The following TMEM114 variants were observed in gnomAD, a reference collection of about 807,000 sequenced individuals.
TMEM114 encodes the protein claudin-26.
Under a neutral mutation model 6.2 loss-of-function variants are expected in TMEM114, and 6 were observed. The observed-to-expected ratio is 0.97, with a 90% CI of 0.53 to 1.91. The LOEUF is 1.91. Among genes scored for constraint, TMEM114 ranks in the 40% most tolerant of loss-of-function variants. The probability of loss-of-function intolerance (pLI) is 0.01; values close to 1 mark genes in which losing one functional copy is unlikely to be tolerated. For missense variants in TMEM114, 218 were observed against 158.3 expected, an observed-to-expected ratio of 1.38 and a Z score of -2.02; for synonymous variants, 104 against 73.0, an observed-to-expected ratio of 1.42 and a Z score of -2.16.
chr16:8,559,234 G>T (rs553249788), intron 2 of TMEM114, among the ~76,000 whole-genome samples: 1 of 152,098 alleles, frequency 6.6e-6, no homozygotes, highest in South Asian at 2.1e-4. Flanking sequence ...GCAGAGACGG[G>T]GTTTCACCGT....
intron 2 of TMEM114, among the ~76,000 whole-genome samples, chr16:8,544,811 G>A (rs879350675): frequency 6.6e-6 from 1 of 152,118 alleles, no homozygotes; most frequent in African/African-American, 2.4e-5. Flanking sequence ...CAAATTTACA[G>A]ACATTTGAAA....
rs11860680 is a variant in TMEM114, at chr16:8,584,940, A to G, written c.301+4273T>C. ...GCCGTCTCAAAAAAAAAAAAAAAAA[A>G]AAGAAGAAGAAGAAGAAAAGAAAAG... On this transcript the variant is annotated intron_variant, in intron 2 of 3. Transcript: ENST00000620492. Among the ~76,000 whole-genome samples the G allele has an allele frequency of 6.6e-3, 965 of 146,674 alleles. 14 individuals carry two copies. Among genetic ancestry groups the G allele is most frequent in the African/African-American group, 0.02 (805 of 40,014 alleles).
At chr16:8,536,346 A>G (rs1900359269), downstream of TMEM114, among the ~76,000 whole-genome samples, 1 of 152,138 alleles carries the variant, frequency 6.6e-6, no homozygotes, top group South Asian at 2.1e-4. Flanking sequence ...CTCTTCATAT[A>G]ATAATTTGTA....
intron 2 of TMEM114, among the ~76,000 whole-genome samples, chr16:8,542,150 G>GC (rs1182553653): frequency 6.6e-6 from 1 of 151,720 alleles, no homozygotes; most frequent in Non-Finnish European, 1.5e-5. Flanking sequence ...CGTGGGGGGG[G>GC]GTCCCTTGAC....
intron 2 of TMEM114, among the ~76,000 whole-genome samples, chr16:8,560,143 C>T: frequency 6.6e-6 from 1 of 152,032 alleles, no homozygotes. Flanking sequence ...CAGGTGCACA[C>T]CACCATACCC....
At chr16:8,574,880 C>G (rs1901864920) in intron 2 of TMEM114, among the ~76,000 whole-genome samples, 1 of 152,270 alleles carries the variant, frequency 6.6e-6, no homozygotes, top group African/African-American at 2.4e-5. Context: ...AAATCTCCTG[C>G]TGAAATTTGG....
chr16:8,564,662 G>T (rs373328451), downstream of TMEM114, among the ~76,000 whole-genome samples: 34 of 82,814 alleles, frequency 4.1e-4, no homozygotes, highest in Admixed American at 7.8e-4. Context: ...AGTGAGTGAG[G>T]GAGGGAGGGA....
chr16:8,584,779 G>A (rs530285909), intron 2 of TMEM114, among the ~76,000 whole-genome samples: 15 of 152,042 alleles, frequency 9.9e-5, no homozygotes, highest in South Asian at 8.3e-4. Context: ...AAAATTAGCC[G>A]GGTGTGATGG....
At position 8,589,603 on chromosome 16, in the gene TMEM114, C is replaced by CG. The variant is rs1215878996; in HGVS notation, c.220+15dup. 1.8e-5 allele frequency: 7 copies of CG among 398,494 alleles called. No individual in the cohort carries two copies. The highest frequency in any genetic ancestry group is 3.1e-5 in the Non-Finnish European group (7 of 225,988). The allele number at this position is 398,494 out of a possible 1,614,324, so 24.7% of individuals were successfully genotyped here. On this transcript the variant is annotated intron_variant, in intron 1 of 3. Coordinates refer to ENST00000620492, the MANE Select transcript of TMEM114 (RefSeq NM_001146336.2). Reference sequence around the variant, plus strand: ...CGTTCGCAGCCACAGCTCCCAGCCACGGGGTGCACCCTTACCCCGGCAGGT... The same window carrying CG: ...CGTTCGCAGCCACAGCTCCCAGCCACGGGGGTGCACCCTTACCCCGGCAGGT...
intron 2 of TMEM114, among the ~76,000 whole-genome samples, chr16:8,575,910 C>A (rs62018865): frequency 0.087 from 13,231 of 152,230 alleles, 707 homozygotes; most frequent in Middle Eastern, 0.19. Context: ...GGCCGGGAGA[C>A]CTGATTCCCA....
intron 2 of TMEM114, among the ~76,000 whole-genome samples, chr16:8,563,663 GAATAAGT>G (rs1425726909): frequency 4.6e-5 from 7 of 151,134 alleles, no homozygotes; most frequent in Non-Finnish European, 7.4e-5. Context: ...ATGAGTGAGC[GAATAAGT>G]AAGTGAATGA....
intron 2 of TMEM114, among the ~76,000 whole-genome samples, chr16:8,588,050 C>T (rs2141704526): frequency 6.6e-6 from 1 of 152,182 alleles, no homozygotes; most frequent in East Asian, 1.9e-4. Flanking sequence ...CTTTGGAAGG[C>T]TGAGATGGGC....
chr16:8,533,568 C>G (rs1225855008), downstream of TMEM114, among the ~76,000 whole-genome samples: 1 of 152,212 alleles, frequency 6.6e-6, no homozygotes, highest in Non-Finnish European at 1.5e-5. Flanking sequence ...ATGGCATGAT[C>G]TGGTCCAGAG....
chr16:8,534,855 G>A (rs1010941738), downstream of TMEM114, among the ~76,000 whole-genome samples: 21 of 152,222 alleles, frequency 1.4e-4, no homozygotes, highest in Non-Finnish European at 2.5e-4. Flanking sequence ...TTCATGAAGC[G>A]GAATTATTAC....
At chr16:8,564,829 T>C (rs1189524659), downstream of TMEM114, among the ~76,000 whole-genome samples, 8 of 70,824 alleles carry the variant, frequency 1.1e-4, no homozygotes, top group East Asian at 3.2e-3. Flanking sequence ...GAGTGAGTGA[T>C]GGAGGGAATG....
At chr16:8,573,638 CA>C (rs1300594304) in intron 2 of TMEM114, among the ~76,000 whole-genome samples, 1 of 152,110 alleles carries the variant, frequency 6.6e-6, no homozygotes, top group East Asian at 1.9e-4. Flanking sequence ...AGCTGGGTGC[CA>C]AGCATCTTTA....
At chr16:8,532,163 T>A in the TMEM114 span, 1 of 152,206 alleles carries the variant, frequency 6.6e-6, no homozygotes, top group Non-Finnish European at 1.5e-5. Context: ...TTAATTAGAA[T>A]GTGCTAATAT....
the TMEM114 span, among the ~76,000 whole-genome samples, chr16:8,530,871 A>G: frequency 1.3e-5 from 2 of 152,224 alleles, no homozygotes; most frequent in East Asian, 3.9e-4. Context: ...CTAAAAATGC[A>G]AAAATTAGCA....
chr16:8,583,675 G>A (rs1181023514), intron 2 of TMEM114, among the ~76,000 whole-genome samples: 1 of 152,034 alleles, frequency 6.6e-6, no homozygotes, highest in African/African-American at 2.4e-5. Context: ...TTGAGCCTGG[G>A]AGTTCGAGGC....
Sources: allele counts gnomAD v4.1 joint callset (sites outside exome capture counted in the v4.1 genomes callset), GRCh38; gene constraint gnomAD v4.1.1; transcripts MANE v1.5; gene names NCBI Gene and HGNC (gene_info 2026-07-23, HGNC 2026-07-21).